The following PAPOLA variants were observed in gnomAD, a reference collection of about 807,000 sequenced individuals.
PAPOLA encodes poly(A) polymerase alpha, also known as polynucleotide adenylyltransferase alpha.
PAPOLA carries 15 observed loss-of-function variants against 100.6 expected under a neutral mutation model. The observed-to-expected ratio is 0.15, with a 90% CI of 0.10 to 0.23. The LOEUF (loss-of-function observed/expected upper bound fraction) is 0.23, where lower values mean the gene tolerates loss of function less well. Ranked by LOEUF, PAPOLA falls within the 10% of genes least tolerant of loss-of-function variation. The pLI is 1.00. For missense variants in PAPOLA, 533 were observed against 884.2 expected, an observed-to-expected ratio of 0.60 and a Z score of 5.04; for synonymous variants, 293 against 300.0, an observed-to-expected ratio of 0.98 and a Z score of 0.24.
intron 9 of PAPOLA, chr14:96,533,695 C>T (rs190442670): frequency 1.5e-5 from 5 of 324,662 alleles, no homozygotes; most frequent in African/African-American, 9.0e-5. Flanking sequence ...GCTGGGACTA[C>T]AAGCGCCTGC....
At chr14:96,527,583 C>T in intron 5 of PAPOLA, 44 bp downstream of exon 5, 1 of 1,027,904 alleles carries the variant, frequency 9.7e-7, no homozygotes. Context: ...TATGAACATT[C>T]ATTTAGTCAG....
chr14:96,532,755 T>A, intron 9 of PAPOLA, 106 bp downstream of exon 9: 1 of 1,440,974 alleles, frequency 6.9e-7, no homozygotes. Context: ...TTTTAGTTCA[T>A]GATGTAGTCA....
intron 17 of PAPOLA, among the ~76,000 whole-genome samples, chr14:96,555,035 A>C (rs2140325891): frequency 6.6e-6 from 1 of 152,106 alleles, no homozygotes; most frequent in Non-Finnish European, 1.5e-5. Context: ...ACTTCGGGGG[A>C]GTAAAGAGGG....
At position 96,531,463 on chromosome 14, in the gene PAPOLA, T is replaced by G. The variant is rs772005584; in HGVS notation, c.496-12T>G. ...TTGACAGATATGGAATGTTGTTTTG[T>G]TTGTGTTTCAGATTGATATTTTGTT... On this transcript the variant is annotated splice_polypyrimidine_tract_variant and intron_variant, in intron 6 of 21. Transcript: ENST00000216277. 7 of 1,582,370 alleles carry G rather than the reference T, an allele frequency of 4.4e-6. No individual in the cohort carries two copies. Among genetic ancestry groups the G allele is most frequent in the Non-Finnish European group, 6.0e-6 (7 of 1,161,400 alleles).
At chr14:96,543,333 A>C (rs962995953) in intron 14 of PAPOLA, among the ~76,000 whole-genome samples, 2 of 152,152 alleles carry the variant, frequency 1.3e-5, no homozygotes, top group Non-Finnish European at 2.9e-5. Context: ...TTGAGAAGAT[A>C]ACATAAGAAA....
chr14:96,511,318 T>G (rs1897094071), intron 1 of PAPOLA, among the ~76,000 whole-genome samples: 1 of 152,078 alleles, frequency 6.6e-6, no homozygotes, highest in Non-Finnish European at 1.5e-5. Flanking sequence ...CCCAGCACTT[T>G]GGGAGGTCAA....
At chr14:96,564,539 G>A (rs1282599440) in intron 21 of PAPOLA, among the ~76,000 whole-genome samples, 1 of 152,004 alleles carries the variant, frequency 6.6e-6, no homozygotes, top group Admixed American at 6.5e-5. Context: ...ATTTACTGCT[G>A]CTTCTGTATA....
chr14:96,517,068 G>A (rs775052410), intron 1 of PAPOLA, among the ~76,000 whole-genome samples: 1 of 151,930 alleles, frequency 6.6e-6, no homozygotes, highest in Admixed American at 6.6e-5. Flanking sequence ...CATATTACTC[G>A]CACAAAACAA....
intron 19 of PAPOLA, among the ~76,000 whole-genome samples, chr14:96,559,581 C>CTCTATATATA (rs370979875): frequency 9.1e-4 from 109 of 120,170 alleles, no homozygotes; most frequent in African/African-American, 2.2e-3. Flanking sequence ...CTCTCTCTCT[C>CTCTATATATA]TATATATATA....
At chr14:96,548,643 A>G (rs1171251657) in intron 16 of PAPOLA, among the ~76,000 whole-genome samples, 1 of 152,226 alleles carries the variant, frequency 6.6e-6, no homozygotes, top group East Asian at 1.9e-4. Flanking sequence ...TTGAATAAAA[A>G]AGGCACATGT....
chr14:96,544,300 A>G (rs1900216737), intron 15 of PAPOLA, 42 bp downstream of exon 15: 3 of 942,258 alleles, frequency 3.2e-6, no homozygotes, highest in South Asian at 1.4e-5. Context: ...CAGTTCTTGC[A>G]TATTTCAAAT....
chr14:96,505,999 G>A (rs550636877), intron 1 of PAPOLA, among the ~76,000 whole-genome samples: 21 of 152,146 alleles, frequency 1.4e-4, no homozygotes, highest in Non-Finnish European at 2.8e-4. Flanking sequence ...CACCTCCCGG[G>A]TTCAAGCGAT....
chr14:96,567,007 T>C lies in PAPOLA; in HGVS notation c.*1957T>C, dbSNP rs12147717. 0.11 allele frequency: 16,992 copies of C among 152,610 alleles called. 1,036 individuals carry two copies. The highest frequency in any genetic ancestry group is 0.17 in the South Asian group (826 of 4,824). The allele number at this position is 152,610 out of a possible 1,614,324, so 9.5% of individuals were successfully genotyped here. ...TATGTAGTGTCTCATGACTGGAGTT[T>C]GCTTTGTTTTATAGTATCTGTACTC... is the stretch of plus-strand genomic sequence containing the variant. On this transcript the variant is annotated 3_prime_UTR_variant, in exon 22 of 22. Coordinates refer to ENST00000216277, the MANE Select transcript of PAPOLA (RefSeq NM_032632.5).
intron 6 of PAPOLA, among the ~76,000 whole-genome samples, chr14:96,530,506 C>T (rs1898905823): frequency 3.3e-5 from 5 of 150,460 alleles, no homozygotes; most frequent in Admixed American, 2.6e-4. Context: ...CCTACCTCAG[C>T]CCCCCCAAGT....
At chr14:96,503,191 C>T (rs981500730) in intron 1 of PAPOLA, among the ~76,000 whole-genome samples, 1 of 152,236 alleles carries the variant, frequency 6.6e-6, no homozygotes, top group Non-Finnish European at 1.5e-5. Context: ...TTGAGTCCGC[C>T]TGCCTCCACC....
At chr14:96,540,482 T>A (rs1486018764) in intron 12 of PAPOLA, among the ~76,000 whole-genome samples, 1 of 152,044 alleles carries the variant, frequency 6.6e-6, no homozygotes, top group Non-Finnish European at 1.5e-5. Flanking sequence ...GTTACTGAGC[T>A]TGTTAGGATT....
intron 7 of PAPOLA, 160 bp downstream of exon 7, chr14:96,531,746 G>C (rs1311061408): frequency 2.0e-6 from 3 of 1,475,558 alleles, no homozygotes; most frequent in Non-Finnish European, 2.7e-6. Context: ...AGAGTATGTA[G>C]TAGTTTATTT....
Position 96,565,508 on chromosome 14 carries a change from A to G in PAPOLA, c.*458A>G. 2 of 404,628 alleles carry G rather than the reference A, an allele frequency of 4.9e-6. No individual in the cohort carries two copies. Among genetic ancestry groups the G allele is most frequent in the Non-Finnish European group, 8.8e-6 (2 of 227,988 alleles). The allele number at this position is 404,628 out of a possible 1,614,324, so 25.1% of individuals were successfully genotyped here. A position where few individuals can be genotyped will look rare whatever the true frequency, so the allele number is the denominator to read the frequency against. On this transcript the variant is annotated 3_prime_UTR_variant, in exon 22 of 22. Coordinates refer to ENST00000216277, the MANE Select transcript of PAPOLA (RefSeq NM_032632.5). ...TTTTTCCTGAAGAATTTTCTTTACC[A>G]TTAGTCTTCAAATTGGATACTGTTG...
At chr14:96,531,928 G>A (rs1400493021) in intron 7 of PAPOLA, 18 of 1,299,130 alleles carry the variant, frequency 1.4e-5, no homozygotes, top group Non-Finnish European at 1.8e-5. Context: ...GCATTGCTGA[G>A]ATCAGAAGGA....
Sources: gnomAD v4.1 joint callset for allele counts (sites outside exome capture counted in the v4.1 genomes callset) on GRCh38, gnomAD v4.1.1 for gene constraint, MANE v1.5 for transcripts, NCBI Gene and HGNC (gene_info 2026-07-23, HGNC 2026-07-21) for gene names.